The following FAM193A variants were observed in gnomAD, a reference collection of about 807,000 sequenced individuals.
FAM193A encodes the protein protein FAM193A.
In FAM193A, 22 loss-of-function variants were observed where a neutral mutation model predicts 126.5. That is an observed-to-expected ratio of 0.17 (90% CI 0.12 to 0.25). FAM193A has a LOEUF of 0.25. FAM193A is among the 10% of genes least tolerant of loss of function. The pLI is 1.00. For synonymous variants in FAM193A, 761 were observed against 646.8 expected (o/e 1.18, Z -2.68); for missense variants, 1,675 against 1,672.8 (o/e 1.00, Z -0.02).
intron 1 of FAM193A, among the ~76,000 whole-genome samples, chr4:2,590,246 C>T (rs1039946267): frequency 1.3e-5 from 2 of 150,914 alleles, no homozygotes; most frequent in African/African-American, 2.4e-5. Flanking sequence ...CCGAGGCGGG[C>T]AGATCACGAG....
chr4:2,702,370 C>T (rs1021635142), intron 19 of FAM193A, among the ~76,000 whole-genome samples: 3 of 152,166 alleles, frequency 2.0e-5, no homozygotes, highest in South Asian at 2.1e-4. Flanking sequence ...TTCGATGCTC[C>T]GGGCTCATCT....
chr4:2,708,211 C>T (rs1439749597), intron 19 of FAM193A: 25 of 443,918 alleles, frequency 5.6e-5, no homozygotes, highest in Admixed American at 2.9e-4. Flanking sequence ...CTGCAACCTT[C>T]GCCTCCCAGG....
At chr4:2,687,622 T>A (rs1309628023) in intron 13 of FAM193A, among the ~76,000 whole-genome samples, 3 of 152,186 alleles carry the variant, frequency 2.0e-5, no homozygotes, top group African/African-American at 7.2e-5. Context: ...TCTTGATAGC[T>A]CCAGAATTCC....
At chr4:2,552,833 GGCCACA>G (rs1738019606) in intron 1 of FAM193A, among the ~76,000 whole-genome samples, 1 of 150,054 alleles carries the variant, frequency 6.7e-6, no homozygotes, top group Non-Finnish European at 1.5e-5. Context: ...CACCGCGCCC[GGCCACA>G]GAACTTTCTT....
intron 2 of FAM193A, among the ~76,000 whole-genome samples, chr4:2,600,088 G>T (rs1010304453): frequency 6.6e-6 from 1 of 152,156 alleles, no homozygotes; most frequent in Non-Finnish European, 1.5e-5. Context: ...AGTAGAGACA[G>T]GGTTTCGTGA....
At chr4:2,541,357 A>G (rs1322910691) in intron 1 of FAM193A, among the ~76,000 whole-genome samples, 1 of 152,094 alleles carries the variant, frequency 6.6e-6, no homozygotes, top group African/African-American at 2.4e-5. Context: ...AACAAACAAA[A>G]TATTTTAATA....
chr4:2,698,507 T>C (rs950478279), intron 18 of FAM193A, among the ~76,000 whole-genome samples: 7 of 152,236 alleles, frequency 4.6e-5, no homozygotes, highest in African/African-American at 1.7e-4. Flanking sequence ...AAATGAAATT[T>C]TTAATAACAT....
chr4:2,624,542 C>G (rs1387957653), intron 2 of FAM193A, among the ~76,000 whole-genome samples: 1 of 152,226 alleles, frequency 6.6e-6, no homozygotes, highest in South Asian at 2.1e-4. Flanking sequence ...CTGCTTGATG[C>G]AAGGCTCAGA....
intron 1 of FAM193A, among the ~76,000 whole-genome samples, chr4:2,545,578 T>G (rs1332279001): frequency 6.6e-6 from 1 of 152,186 alleles, no homozygotes; most frequent in East Asian, 1.9e-4. Flanking sequence ...GTAGAATTGC[T>G]GGGTGTACTT....
chr4:2,603,549 T>C (rs1230738551), intron 2 of FAM193A, among the ~76,000 whole-genome samples: 4 of 147,834 alleles, frequency 2.7e-5, no homozygotes, highest in Admixed American at 1.4e-4. Context: ...CTCCGCCTCC[T>C]GGGTTCACAC....
At chr4:2,587,737 A>G (rs1203035998) in intron 1 of FAM193A, among the ~76,000 whole-genome samples, 1 of 152,196 alleles carries the variant, frequency 6.6e-6, no homozygotes, top group African/African-American at 2.4e-5. Flanking sequence ...GAAAAGAAAG[A>G]GCTGGGGTGG....
intron 7 of FAM193A, among the ~76,000 whole-genome samples, chr4:2,652,098 CTG>C (rs1178586399): frequency 6.6e-6 from 1 of 152,174 alleles, no homozygotes. Flanking sequence ...CTGGTGGCCT[CTG>C]TGCCTGGTAT....
At chr4:2,696,713 C>A in intron 18 of FAM193A, 120 bp downstream of exon 18, 1 of 696,236 alleles carries the variant, frequency 1.4e-6, no homozygotes, top group Non-Finnish European at 2.4e-6. Flanking sequence ...CGTGTGTTCA[C>A]TTGCCCACAA....
At chr4:2,543,354 T>C (rs1737350655) in intron 1 of FAM193A, among the ~76,000 whole-genome samples, 1 of 152,010 alleles carries the variant, frequency 6.6e-6, no homozygotes, top group Non-Finnish European at 1.5e-5. Flanking sequence ...CTCAAAGTGC[T>C]AGGATTACGG....
chr4:2,700,327 G>C lies in FAM193A; in HGVS notation c.4155G>C (p.Glu1385Asp), dbSNP rs1717571967. The change falls in exon 19 of 21, where the codon GAG (glutamate) becomes GAC (aspartate). Residue 1385 changes from glutamate to aspartate, a missense_variant. Coordinates refer to ENST00000637812, the MANE Select transcript of FAM193A (RefSeq NM_001366318.2). Reference protein sequence around the residue: ...AKVVDLMSITEQKREERKVNS... With the variant: ...AKVVDLMSITDQKREERKVNS... ...TGGTCGACCTCATGTCCATCACAGA[G>C]CAGAAAAGAGAGGAGAGAAAAGTCA... is the stretch of plus-strand genomic sequence containing the variant. The C allele has an allele frequency of 1.2e-6, 2 of 1,613,918 alleles. No homozygotes were observed. Among genetic ancestry groups the C allele is most frequent in the African/African-American group, 2.7e-5 (2 of 74,884 alleles).
chr4:2,696,473 A>G lies in FAM193A; in HGVS notation c.3387A>G (p.Glu1129=), dbSNP rs375755360. The G allele has an allele frequency of 1.2e-6, 2 of 1,614,224 alleles. No individual in the cohort carries two copies. Among genetic ancestry groups the G allele is most frequent in the East Asian group, 4.5e-5 (2 of 44,894 alleles). Residue 1129 remains glutamate, a synonymous_variant, in exon 18 of 21, where the codon GAA becomes GAG. Coordinates refer to ENST00000637812, the MANE Select transcript of FAM193A (RefSeq NM_001366318.2). ...CTAAAAAAATGGACCAGATCTCAGA[A>G]AGGGAAAGCGTCGTTGACCATCGGA... The part of the protein sequence containing the change: ...EQPKKMDQIS[E]RESVVDHRRV...
chr4:2,642,727 C>G (rs1744761789), intron 6 of FAM193A, among the ~76,000 whole-genome samples: 1 of 150,614 alleles, frequency 6.6e-6, no homozygotes, highest in Non-Finnish European at 1.5e-5. Flanking sequence ...TCATAAAACT[C>G]CCATCTTTTT....
At chr4:2,545,596 A>G (rs1737496814) in intron 1 of FAM193A, among the ~76,000 whole-genome samples, 1 of 151,972 alleles carries the variant, frequency 6.6e-6, no homozygotes, top group Non-Finnish European at 1.5e-5. Context: ...CTTCGATTTG[A>G]CTTTAGTGGG....
chr4:2,595,018 G>T (rs752501234), intron 1 of FAM193A, among the ~76,000 whole-genome samples: 43 of 150,620 alleles, frequency 2.9e-4, no homozygotes, highest in African/African-American at 7.3e-5. Context: ...AATAGAAACA[G>T]GGTTTCACCA....
Sources: gnomAD v4.1 joint callset for allele counts (sites outside exome capture counted in the v4.1 genomes callset) on GRCh38, gnomAD v4.1.1 for gene constraint, MANE v1.5 for transcripts, NCBI Gene and HGNC (gene_info 2026-07-23, HGNC 2026-07-21) for gene names.